MAP3K15: variants seen among roughly 807,000 people sequenced by gnomAD.
The protein encoded by MAP3K15 is mitogen-activated protein kinase kinase kinase 15.
In MAP3K15, 124 loss-of-function variants were observed where a neutral mutation model predicts 99.5. The observed-to-expected ratio is 1.25, with a 90% confidence interval of 1.08 to 1.45. The LOEUF is 1.45. Among genes scored for constraint, MAP3K15 ranks in the 40% most tolerant of loss-of-function variants. MAP3K15 has a pLI of 0.00. For missense variants in MAP3K15, 1,242 were observed against 1,079.7 expected (o/e 1.15, Z -2.11); for synonymous variants, 494 against 439.6 (o/e 1.12, Z -1.55).
chrX:19,463,113 A>G (rs1471954791), intron 4 of MAP3K15, among the ~76,000 whole-genome samples: 1 of 112,060 alleles, frequency 8.9e-6, no homozygotes, highest in Non-Finnish European at 1.9e-5. Flanking sequence ...GCAATCAGAC[A>G]ACAGTTAGCA....
chrX:19,379,551 G>A (rs769240351), intron 19 of MAP3K15, among the ~76,000 whole-genome samples: 43 of 102,492 alleles, frequency 4.2e-4, no homozygotes, highest in African/African-American at 1.5e-3. Flanking sequence ...GGATTCAAGC[G>A]ATTCTCCTGT....
At chrX:19,368,459 A>G (rs2063350969) in intron 25 of MAP3K15, among the ~76,000 whole-genome samples, 3 of 113,232 alleles carry the variant, frequency 2.6e-5, no homozygotes. Flanking sequence ...AATATTAAGC[A>G]CCTACTATGT....
At chrX:19,479,484 T>C (rs148905573) in intron 3 of MAP3K15, among the ~76,000 whole-genome samples, 3,436 of 111,433 alleles carry the variant, frequency 0.031, 135 homozygotes, top group African/African-American at 0.1. Flanking sequence ...CCAGCAGCCA[T>C]CCCAAAGGCA....
At chrX:19,457,899 C>T (rs1165393668) in intron 5 of MAP3K15, among the ~76,000 whole-genome samples, 1 of 111,871 alleles carries the variant, frequency 8.9e-6, no homozygotes, top group East Asian at 2.8e-4. Flanking sequence ...CCCACACACG[C>T]ACTTAGTTTT....
chrX:19,438,601 T>C (rs1169222291), intron 6 of MAP3K15, among the ~76,000 whole-genome samples: 1 of 111,930 alleles, frequency 8.9e-6, no homozygotes, highest in African/African-American at 3.2e-5. Flanking sequence ...GCTATGGGTG[T>C]GCCAGAGCAC....
Position 19,479,191 on chromosome X carries a change from T to C in MAP3K15, c.525+7291A>G, listed in dbSNP as rs145178935. Among the ~76,000 whole-genome samples, 74 of 112,011 alleles carry C rather than the reference T, an allele frequency of 6.6e-4. No homozygotes were observed. The East Asian group carries it at 0.018, about 27-fold the overall frequency. ...AACCCAACCTCAAGGAAGGATGTGTTGCCCCAGTTTCTGGGAGCTCGTTAG... is the reference window on the plus strand; with the variant it reads ...AACCCAACCTCAAGGAAGGATGTGTCGCCCCAGTTTCTGGGAGCTCGTTAG... On this transcript the variant is annotated intron_variant, in intron 3 of 28. Coordinates refer to ENST00000338883, the MANE Select transcript of MAP3K15 (RefSeq NM_001001671.4).
intron 9 of MAP3K15, among the ~76,000 whole-genome samples, chrX:19,425,202 CT>C (rs763368567): frequency 6.3e-5 from 7 of 111,592 alleles, no homozygotes; most frequent in Non-Finnish European, 1.1e-4. Flanking sequence ...TCTTGGTGTG[CT>C]TTTTTCATTT....
At chrX:19,423,656 C>T (rs1009135562) in intron 9 of MAP3K15, among the ~76,000 whole-genome samples, 3 of 111,964 alleles carry the variant, frequency 2.7e-5, no homozygotes, top group Non-Finnish European at 5.6e-5. Flanking sequence ...TGTGTTGTCC[C>T]AACTCCACAC....
rs1304311874 is a variant in MAP3K15 at position 19,360,253 on chromosome X, G to C, written c.*496C>G. 2 of 132,870 alleles carry C rather than the reference G, an allele frequency of 1.5e-5. No homozygotes were observed. Among genetic ancestry groups the C allele is most frequent in the Non-Finnish European group, 3.0e-5 (2 of 66,723 alleles). The allele number at this position is 132,870 out of a possible 1,213,427, so 10.9% of individuals were successfully genotyped here. A position where few individuals can be genotyped will look rare whatever the true frequency, so the allele number is the denominator to read the frequency against. On this transcript the variant is annotated 3_prime_UTR_variant, in exon 29 of 29. Coordinates refer to ENST00000338883, the MANE Select transcript of MAP3K15 (RefSeq NM_001001671.4). ...TACAAGGCACATTCGTATCAGTTTT[G>C]TGTTTCTCAAATTGAAGTACCATAC...
intron 1 of MAP3K15, among the ~76,000 whole-genome samples, chrX:19,489,438 C>G (rs948095628): frequency 9.0e-6 from 1 of 110,844 alleles, no homozygotes; most frequent in Non-Finnish European, 1.9e-5. Flanking sequence ...CAGTTCCACG[C>G]ACGTGTGTGT....
intron 18 of MAP3K15, among the ~76,000 whole-genome samples, chrX:19,382,180 C>T (rs1408001471): frequency 9.7e-6 from 1 of 103,062 alleles, no homozygotes; most frequent in Admixed American, 1.1e-4. Context: ...TTGAACCTGG[C>T]TCGCAGTGAG....
chrX:19,444,994 G>A (rs1157399324), intron 6 of MAP3K15, among the ~76,000 whole-genome samples: 3 of 110,560 alleles, frequency 2.7e-5, no homozygotes, highest in Middle Eastern at 4.3e-3. Context: ...TAGGTCCCCA[G>A]CTTCCTCGTC....
At chrX:19,486,345 C>G (rs1449681664) in intron 3 of MAP3K15, 137 bp downstream of exon 3, 1 of 269,195 alleles carries the variant, frequency 3.7e-6, no homozygotes, top group African/African-American at 2.8e-5. Flanking sequence ...AGATTTCTAG[C>G]TGTCCTCCTT....
rs372189211 is a variant in MAP3K15, at chrX:19,382,271, A to G, written c.2432-1994T>C. Among the ~76,000 whole-genome samples, 592 of 106,822 alleles carry G rather than the reference A, an allele frequency of 5.5e-3. 5 individuals are homozygous for G. Among genetic ancestry groups the G allele is most frequent in the African/African-American group, 0.02 (565 of 28,750 alleles). 92.8% of individuals were successfully genotyped at this position (106,822 alleles called of 115,157 possible). On this transcript the variant is annotated intron_variant, in intron 18 of 28. Transcript: ENST00000338883. ...AAAAAAAAAAAAAAAAAAAAAAGGA[A>G]AGCAAAGGGCGCACTGGCTATAAAG...
chrX:19,468,402 T>C (rs1263065314), intron 3 of MAP3K15, among the ~76,000 whole-genome samples: 1 of 111,682 alleles, frequency 9.0e-6, no homozygotes, highest in Admixed American at 9.5e-5. Flanking sequence ...TCAAAAGCAA[T>C]AGAACAATCA....
chrX:19,505,579 G>A (rs1304751679), intron 1 of MAP3K15, among the ~76,000 whole-genome samples: 2 of 110,607 alleles, frequency 1.8e-5, no homozygotes, highest in Non-Finnish European at 3.8e-5. Context: ...CATGGAAAGG[G>A]ATGAGAAGGT....
chrX:19,465,356 A>G (rs1163569916), intron 3 of MAP3K15, among the ~76,000 whole-genome samples: 4 of 111,513 alleles, frequency 3.6e-5, no homozygotes, highest in Non-Finnish European at 7.5e-5. Flanking sequence ...ATCCCTGAAA[A>G]TAGGGTTGGT....
intron 1 of MAP3K15, among the ~76,000 whole-genome samples, chrX:19,508,027 C>T (rs964711922): frequency 1.8e-5 from 2 of 111,238 alleles, no homozygotes; most frequent in Non-Finnish European, 3.8e-5. Context: ...GCCACCATGC[C>T]TGGCTAATTT....
rs1354092452 is a variant in MAP3K15 at position 19,415,096 on chromosome X, G to C, written c.1590+11C>G. 6.2e-6 allele frequency: 7 copies of C among 1,135,114 alleles called. No homozygotes were observed. The highest frequency in any genetic ancestry group is 6.2e-5 in the East Asian group (2 of 32,089). The allele number at this position is 1,135,114 out of a possible 1,213,427, so 93.5% of individuals were successfully genotyped here. A position where few individuals can be genotyped will look rare whatever the true frequency, so the allele number is the denominator to read the frequency against. On this transcript the variant is annotated intron_variant, in intron 10 of 28. Transcript: ENST00000338883. Reference sequence around the variant, plus strand: ...CTAATCTTAAAAAAAAATGGATTTAGCATATCTTACTGGAAATCTGAGTCC... The same window carrying C: ...CTAATCTTAAAAAAAAATGGATTTACCATATCTTACTGGAAATCTGAGTCC...
Sources: allele counts gnomAD v4.1 joint callset (sites outside exome capture counted in the v4.1 genomes callset), GRCh38; gene constraint gnomAD v4.1.1; transcripts MANE v1.5; gene names NCBI Gene and HGNC (gene_info 2026-07-23, HGNC 2026-07-21).